XRRA1: variants seen among roughly 807,000 people sequenced by gnomAD.
The protein encoded by XRRA1 is X-ray radiation resistance associated 1, also known as X-ray radiation resistance-associated protein 1.
Under a neutral mutation model 80.2 loss-of-function variants are expected in XRRA1, and 69 were observed. That is an observed-to-expected ratio of 0.86 (90% CI 0.71 to 1.05). The LOEUF (loss-of-function observed/expected upper bound fraction) is 1.05. Among genes scored for constraint, XRRA1 ranks in the 50% least tolerant of loss-of-function variants. The pLI is 0.00. For synonymous variants in XRRA1, 348 were observed against 389.9 expected (o/e 0.89, Z 1.27); for missense variants, 967 against 976.4 (o/e 0.99, Z 0.13).
intron 10 of XRRA1, among the ~76,000 whole-genome samples, chr11:74,900,980 G>A (rs1462140245): frequency 6.6e-6 from 1 of 152,148 alleles, no homozygotes; most frequent in Non-Finnish European, 1.5e-5. Context: ...AAGAAATAAA[G>A]GGGATCCAAA....
At chr11:74,883,105 C>A (rs1385083833) in intron 10 of XRRA1, among the ~76,000 whole-genome samples, 2 of 152,204 alleles carry the variant, frequency 1.3e-5, no homozygotes, top group African/African-American at 2.4e-5. Context: ...CGCCCCTCCC[C>A]CAGCCTCGCT....
At position 74,938,525 on chromosome 11, in the gene XRRA1, T is replaced by G. The variant is rs568257506; in HGVS notation, c.95-1457A>C. On this transcript the variant is annotated intron_variant, in intron 3 of 18. Coordinates refer to ENST00000684022, the MANE Select transcript of XRRA1 (RefSeq NM_001378157.1). ...ACTTTTACCCACTTATTCTAGTATC[T>G]GTGATGGTTAATTTTATCCATCAAC... 4.6e-5 allele frequency among the ~76,000 whole-genome samples: 7 copies of G among 152,372 alleles called. No homozygotes were observed. The East Asian group carries it at 1.3e-3, about 29-fold the overall frequency.
In XRRA1 at chr11:74,843,065, G is replaced by C. The variant is rs2036820756; in HGVS notation, c.*135C>G. On this transcript the variant is annotated 3_prime_UTR_variant, in exon 19 of 19. Coordinates refer to ENST00000684022, the MANE Select transcript of XRRA1 (RefSeq NM_001378157.1). ...CCTGACAAGGGGATGCCACCTTGTG[G>C]CCAGCAAGTGGGGCCCAGCTGAGCT... is the stretch of plus-strand genomic sequence containing the variant. The C allele has an allele frequency of 8.0e-7, 1 of 1,248,720 alleles. No homozygotes were observed. The highest frequency in any genetic ancestry group is 1.5e-5 in the African/African-American group (1 of 66,152). The allele number at this position is 1,248,720 out of a possible 1,614,324, so 77.4% of individuals were successfully genotyped here. A position where few individuals can be genotyped will look rare whatever the true frequency, so the allele number is the denominator to read the frequency against.
At chr11:74,914,952 T>C (rs480840) in intron 8 of XRRA1, among the ~76,000 whole-genome samples, 50,650 of 152,058 alleles carry the variant, frequency 0.33, 9,363 homozygotes, top group Non-Finnish European at 0.43. Context: ...TACTGCTACC[T>C]CTTCATCAAC....
In XRRA1 at chr11:74,844,209, G is replaced by C; in HGVS notation, c.2002C>G (p.Leu668Val). 1 of 1,613,914 alleles carries C rather than the reference G, an allele frequency of 6.2e-7. No homozygotes were observed. The highest frequency in any genetic ancestry group is 8.5e-7 in the Non-Finnish European group (1 of 1,179,874). ...PLLCHSSKPK[L>V]DTLQKPYVHK... ...ACATAGGGTTTCTGAAGAGTGTCCA[G>C]CTTGGGCTTGGAGGAGTGGCACAGG... is the stretch of plus-strand genomic sequence containing the variant. Residue 668 changes from leucine to valine, a missense_variant, in exon 17 of 19, where the codon CTG (leucine) becomes GTG (valine). Leu to Val is a conservative substitution (Grantham distance 32, BLOSUM62 1). Transcript: ENST00000684022.
intron 1 of XRRA1, among the ~76,000 whole-genome samples, chr11:74,947,288 G>A (rs1947780491): frequency 1.3e-5 from 2 of 152,128 alleles, no homozygotes; most frequent in African/African-American, 4.8e-5. Context: ...CACTTTGGGA[G>A]GCCGAAGCAG....
intron 10 of XRRA1, among the ~76,000 whole-genome samples, chr11:74,896,291 T>C (rs2052300837): frequency 6.6e-6 from 1 of 152,156 alleles, no homozygotes; most frequent in African/African-American, 2.4e-5. Flanking sequence ...AGAGAGGAGT[T>C]CACTGCTCTG....
chr11:74,937,191 A>G, intron 3 of XRRA1, 123 bp from the exon 4 acceptor site: 1 of 993,144 alleles, frequency 1.0e-6, no homozygotes, highest in Non-Finnish European at 1.4e-6. Flanking sequence ...TGCACCAGAT[A>G]CAATACTGCA....
chr11:74,904,026 T>C (rs2054072519), intron 10 of XRRA1, among the ~76,000 whole-genome samples: 1 of 152,016 alleles, frequency 6.6e-6, no homozygotes, highest in African/African-American at 2.4e-5. Flanking sequence ...AGGACCTGAG[T>C]TGTATTGTAA....
intron 14 of XRRA1, among the ~76,000 whole-genome samples, chr11:74,848,975 A>G (rs1183994746): frequency 1.3e-5 from 2 of 152,324 alleles, no homozygotes; most frequent in Non-Finnish European, 2.9e-5. Flanking sequence ...GCTGTTCCCT[A>G]TACCTTATAT....
At chr11:74,880,453 C>G (rs1413751521) in intron 10 of XRRA1, among the ~76,000 whole-genome samples, 2 of 149,730 alleles carry the variant, frequency 1.3e-5, no homozygotes, top group Non-Finnish European at 3.0e-5. Context: ...TTTTGTGTCT[C>G]TATTTCCTTC....
rs534010602 is a variant in XRRA1, at chr11:74,855,162, G to C, written c.1171-3080C>G. On this transcript the variant is annotated intron_variant, in intron 12 of 18. Transcript: ENST00000684022. ...GCAACAGAGTAAAATATAAAATTCT[G>C]CTGCCATTATCTAGACTTCAGAGAT... Among the ~76,000 whole-genome samples the C allele has an allele frequency of 2.2e-3, 329 of 152,292 alleles. 1 individual carries two copies. The highest frequency in any genetic ancestry group is 4.2e-3 in the Non-Finnish European group (289 of 68,016).
chr11:74,942,210 G>A (rs377548055), intron 2 of XRRA1, among the ~76,000 whole-genome samples: 83 of 152,284 alleles, frequency 5.5e-4, no homozygotes, highest in African/African-American at 2.0e-3. Context: ...TGCCAAGTAA[G>A]CCAAGGGAAG....
intron 2 of XRRA1, among the ~76,000 whole-genome samples, chr11:74,943,569 CAGAGAGAG>C (rs141326220): frequency 9.2e-5 from 8 of 86,654 alleles, no homozygotes; most frequent in African/African-American, 2.8e-4. Flanking sequence ...GTGTATGTGT[CAGAGAGAG>C]AGAGAGAGAG....
chr11:74,943,573 G>GTC (rs1946871341), intron 2 of XRRA1, among the ~76,000 whole-genome samples: 2 of 149,252 alleles, frequency 1.3e-5, no homozygotes, highest in African/African-American at 4.9e-5. Context: ...ATGTGTCAGA[G>GTC]AGAGAGAGAG....
At position 74,859,273 on chromosome 11, in the gene XRRA1, A is replaced by C; in HGVS notation, c.1055T>G (p.Ile352Arg). 6.2e-7 allele frequency: 1 copy of C among 1,605,828 alleles called. No individual in the cohort carries two copies. Among genetic ancestry groups the C allele is most frequent in the Non-Finnish European group, 8.5e-7 (1 of 1,177,208 alleles). ...CTCGAATATGGGAGGAAGTGAACAT[A>C]TCTTGGTTGTCTTAGAAAGAAGGAA... ...PGFSTSETTK[I>R]CSLPPIFEIL... The change falls in exon 12 of 19, where the codon ATA becomes AGA. Residue 352 changes from isoleucine to arginine, a missense_variant. Coordinates refer to ENST00000684022, the MANE Select transcript of XRRA1 (RefSeq NM_001378157.1).
intron 5 of XRRA1, among the ~76,000 whole-genome samples, chr11:74,932,791 T>A (rs1236423413): frequency 6.6e-6 from 1 of 152,202 alleles, no homozygotes; most frequent in African/African-American, 2.4e-5. Context: ...AAGGTTAACC[T>A]GTCCCTAAGT....
At chr11:74,944,860 G>A (rs1425219322) in intron 2 of XRRA1, among the ~76,000 whole-genome samples, 158 bp downstream of exon 2, 1 of 152,202 alleles carries the variant, frequency 6.6e-6, no homozygotes. Flanking sequence ...ACATCTGCTA[G>A]AGGTAAATGA....
rs1277885087 is a variant in XRRA1, at chr11:74,842,312, T to C, written c.*888A>G. On this transcript the variant is annotated 3_prime_UTR_variant, in exon 19 of 19. Transcript: ENST00000684022. ...GCATGGAATCAAGTGGGCTGATGTGTTGTTATTTAAACAGTACCAAAGTGC... is the reference window on the plus strand; with the variant it reads ...GCATGGAATCAAGTGGGCTGATGTGCTGTTATTTAAACAGTACCAAAGTGC... The C allele has an allele frequency of 3.9e-5, 6 of 152,212 alleles. No individual in the cohort carries two copies. Among genetic ancestry groups the C allele is most frequent in the Non-Finnish European group, 7.3e-5 (5 of 68,046 alleles). 9.4% of individuals were successfully genotyped at this position (152,212 alleles called of 1,614,324 possible).
Sources: gnomAD v4.1 joint callset for allele counts (sites outside exome capture counted in the v4.1 genomes callset) on GRCh38, gnomAD v4.1.1 for gene constraint, MANE v1.5 for transcripts, NCBI Gene and HGNC (gene_info 2026-07-23, HGNC 2026-07-21) for gene names.